PSMD1: variants seen among roughly 807,000 people sequenced by gnomAD.
PSMD1 encodes 26S proteasome non-ATPase regulatory subunit 1.
In PSMD1, 18 loss-of-function variants were observed where a neutral mutation model predicts 119.0. The ratio of observed to expected loss-of-function variants is 0.15; its 90% CI spans 0.10 to 0.22. The LOEUF is 0.22. PSMD1 is among the 10% of genes least tolerant of loss of function. The pLI is 1.00. For synonymous variants in PSMD1, 374 were observed against 396.6 expected, an observed-to-expected ratio of 0.94 and a Z score of 0.68; for missense variants, 702 against 1,158.5, an observed-to-expected ratio of 0.61 and a Z score of 5.72.
intron 16 of PSMD1, chr2:231,108,821 G>T (rs747959691): frequency 1.2e-6 from 2 of 1,614,042 alleles, no homozygotes; most frequent in Admixed American, 1.7e-5. Flanking sequence ...ATTGAAGAGG[G>T]TGTAGACCAA....
At chr2:231,109,485 A>G (rs1208024861) in intron 16 of PSMD1, 1 of 1,272,690 alleles carries the variant, frequency 7.9e-7, no homozygotes, top group Non-Finnish European at 1.1e-6. Context: ...TTTGGATTGT[A>G]TCCTTATAAC....
chr2:231,140,627 C>CA (rs1261943343), intron 17 of PSMD1, among the ~76,000 whole-genome samples: 3 of 151,936 alleles, frequency 2.0e-5, no homozygotes, highest in Non-Finnish European at 4.4e-5. Flanking sequence ...CCTGTAATCA[C>CA]AGCACTTTGG....
intron 19 of PSMD1, 95 bp downstream of exon 19, chr2:231,153,761 C>A: frequency 2.2e-6 from 2 of 891,440 alleles, no homozygotes; most frequent in East Asian, 2.7e-5. Flanking sequence ...GAAATTGAGT[C>A]TGAGGCAAAT....
Position 231,083,001 on chromosome 2 carries a change from A to G in PSMD1, c.1525+7A>G. On this transcript the variant is annotated splice_region_variant and intron_variant, in intron 13 of 24. Transcript: ENST00000308696. ...CAGGATGATGCAGTAACAGGTAAGCATTTCTTTCTAAAGCTAACAAGCTTA... is the reference window on the plus strand; with the variant it reads ...CAGGATGATGCAGTAACAGGTAAGCGTTTCTTTCTAAAGCTAACAAGCTTA... 1 of 1,582,492 alleles carries G rather than the reference A, an allele frequency of 6.3e-7. No individual in the cohort carries two copies.
chr2:231,152,215 T>C (rs954753633), intron 18 of PSMD1, among the ~76,000 whole-genome samples: 16 of 152,320 alleles, frequency 1.1e-4, no homozygotes, highest in African/African-American at 1.4e-4. Context: ...CTTAAGTGGT[T>C]GTGTGCTGGG....
chr2:231,161,259 A>C (rs1354764919), intron 19 of PSMD1, 81 bp from the exon 20 acceptor site: 2 of 1,322,192 alleles, frequency 1.5e-6, no homozygotes, highest in Non-Finnish European at 2.1e-6. Flanking sequence ...AAAAGAAAGA[A>C]AGAAAGATAT....
chr2:231,152,756 C>T (rs771755478), intron 18 of PSMD1, among the ~76,000 whole-genome samples: 56 of 152,110 alleles, frequency 3.7e-4, no homozygotes, highest in African/African-American at 1.3e-3. Context: ...TTGAACAAGC[C>T]GACTTCTTCC....
chr2:231,088,644 T>C (rs1694512470), intron 16 of PSMD1, among the ~76,000 whole-genome samples: 1 of 152,196 alleles, frequency 6.6e-6, no homozygotes, highest in Non-Finnish European at 1.5e-5. Flanking sequence ...AATAAATGTG[T>C]GTTCTGACTG....
At chr2:231,163,798 TTAAC>T (rs1696694632) in intron 21 of PSMD1, 71 bp downstream of exon 21, 3 of 1,100,908 alleles carry the variant, frequency 2.7e-6, no homozygotes, top group African/African-American at 1.6e-5. Flanking sequence ...TACTTTTTCT[TTAAC>T]TATCTTTTAT....
At chr2:231,080,881 G>A (rs1266477829) in intron 12 of PSMD1, among the ~76,000 whole-genome samples, 1 of 152,080 alleles carries the variant, frequency 6.6e-6, no homozygotes, top group African/African-American at 2.4e-5. Context: ...GGTGGCTCAC[G>A]CCTGTAATTC....
intron 1 of PSMD1, among the ~76,000 whole-genome samples, chr2:231,058,153 G>A (rs1028592157): frequency 1.3e-5 from 2 of 152,174 alleles, no homozygotes; most frequent in African/African-American, 4.8e-5. Flanking sequence ...TTTTAGTTCA[G>A]TATCAGGAAG....
At position 231,093,433 on chromosome 2, in the gene PSMD1, C is replaced by T. The variant is rs367619881; in HGVS notation, c.1883+6252C>T. Among the ~76,000 whole-genome samples the T allele has an allele frequency of 5.3e-4, 80 of 152,190 alleles. No individual in the cohort carries two copies. The South Asian group carries it at 0.015, about 28-fold the overall frequency. On this transcript the variant is annotated intron_variant, in intron 16 of 24. Transcript: ENST00000308696. Reference sequence around the variant, plus strand: ...TGTCATCCTAGGAAGCCGCGTCGTCCGGGGCTGCTGGTCCTGCAGGGACAT... The same window carrying T: ...TGTCATCCTAGGAAGCCGCGTCGTCTGGGGCTGCTGGTCCTGCAGGGACAT...
intron 16 of PSMD1, among the ~76,000 whole-genome samples, chr2:231,092,833 G>A (rs1399768896): frequency 6.6e-6 from 1 of 152,206 alleles, no homozygotes; most frequent in Non-Finnish European, 1.5e-5. Flanking sequence ...GCATTGCCCG[G>A]TTTGAGGCTA....
intron 16 of PSMD1, among the ~76,000 whole-genome samples, chr2:231,130,344 A>G (rs1338753493): frequency 2.6e-5 from 4 of 152,242 alleles, no homozygotes; most frequent in African/African-American, 9.6e-5. Context: ...AACACATTCT[A>G]TGCTAATAAA....
rs1254358945 is a variant in PSMD1, at chr2:231,056,910, T to C, written c.-116T>C. On this transcript the variant is annotated 5_prime_UTR_variant, in exon 1 of 25. Coordinates refer to ENST00000308696, the MANE Select transcript of PSMD1 (RefSeq NM_002807.4). Reference sequence around the variant, plus strand: ...CCGGCGGCCTGAGGAGGCGACTGACTGAGCAGCGCACCCGGGGAGCAAGGA... The same window carrying C: ...CCGGCGGCCTGAGGAGGCGACTGACCGAGCAGCGCACCCGGGGAGCAAGGA... 3 of 1,411,704 alleles carry C rather than the reference T, an allele frequency of 2.1e-6. No homozygotes were observed. The highest frequency in any genetic ancestry group is 2.9e-5 in the African/African-American group (2 of 67,888). The allele number at this position is 1,411,704 out of a possible 1,614,324, so 87.4% of individuals were successfully genotyped here.
chr2:231,165,787 C>A, intron 22 of PSMD1, 84 bp from the exon 23 acceptor site: 1 of 1,212,174 alleles, frequency 8.2e-7, no homozygotes. Flanking sequence ...TACCTTATAG[C>A]TGCTCAGTCA....
At chr2:231,090,354 T>G (rs1250559767) in intron 16 of PSMD1, among the ~76,000 whole-genome samples, 1 of 152,230 alleles carries the variant, frequency 6.6e-6, no homozygotes, top group Admixed American at 6.5e-5. Flanking sequence ...CCAGCCTGGC[T>G]GACATGGTGA....
intron 16 of PSMD1, chr2:231,113,948 A>G (rs773689873): frequency 1.2e-6 from 2 of 1,604,344 alleles, no homozygotes; most frequent in Admixed American, 3.3e-5. Flanking sequence ...AACAAAAACA[A>G]GACAAACATT....
chr2:231,064,116 T>TTACC (rs1223663014), intron 4 of PSMD1, among the ~76,000 whole-genome samples: 1 of 152,262 alleles, frequency 6.6e-6, no homozygotes, highest in Non-Finnish European at 1.5e-5. Flanking sequence ...CTGTATCATT[T>TTACC]TACCTTTGGA....
Sources: allele counts gnomAD v4.1 joint callset (sites outside exome capture counted in the v4.1 genomes callset), GRCh38; gene constraint gnomAD v4.1.1; transcripts MANE v1.5; gene names NCBI Gene and HGNC (gene_info 2026-07-23, HGNC 2026-07-21).